The following ZNF444 variants were observed in gnomAD, a reference collection of about 807,000 sequenced individuals.
ZNF444 encodes endothelial zinc finger protein 2.
In ZNF444, 8 loss-of-function variants were observed where a neutral mutation model predicts 14.4. The ratio of observed to expected loss-of-function variants is 0.56; its 90% confidence interval spans 0.33 to 1.00. The LOEUF (loss-of-function observed/expected upper bound fraction) is 1.00, where lower values mean the gene tolerates loss of function less well. ZNF444 is among the 50% of genes least tolerant of loss of function. ZNF444 has a pLI of 0.03. For missense variants in ZNF444, 510 were observed against 504.8 expected, an observed-to-expected ratio of 1.01 and a Z score of -0.10; for synonymous variants, 258 against 235.9, an observed-to-expected ratio of 1.09 and a Z score of -0.86.
At chr19:56,138,567 A>T (rs2030664114), upstream of ZNF444, among the ~76,000 whole-genome samples, 1 of 152,298 alleles carries the variant, frequency 6.6e-6, no homozygotes, top group South Asian at 2.1e-4. Flanking sequence ...TGGGAAGCAG[A>T]AGTCACAGTG....
At chr19:56,133,984 G>C (rs1414124652) in intron 1 of ZNF444, among the ~76,000 whole-genome samples, 2 of 151,856 alleles carry the variant, frequency 1.3e-5, no homozygotes, top group African/African-American at 4.8e-5. Flanking sequence ...AGATGACTCA[G>C]GTTCAGATCC....
At chr19:56,148,448 G>A (rs2031346488) in intron 3 of ZNF444, among the ~76,000 whole-genome samples, 1 of 152,138 alleles carries the variant, frequency 6.6e-6, no homozygotes, top group Non-Finnish European at 1.5e-5. Context: ...GGGGCATCTC[G>A]GTGAGGCAAA....
At chr19:56,134,813 TAAA>T (rs144406728) in intron 1 of ZNF444, among the ~76,000 whole-genome samples, 1 of 143,468 alleles carries the variant, frequency 7.0e-6, no homozygotes, top group Admixed American at 7.0e-5. Flanking sequence ...GCCCTGTGTT[TAAA>T]AAAAAAAAAA....
chr19:56,134,040 C>CGCCAT (rs1568543954), intron 1 of ZNF444, among the ~76,000 whole-genome samples: 1 of 151,950 alleles, frequency 6.6e-6, no homozygotes, highest in East Asian at 1.9e-4. Context: ...GACATCCATA[C>CGCCAT]GCCATCCCCC....
upstream of ZNF444, among the ~76,000 whole-genome samples, chr19:56,137,081 C>A (rs186561192): frequency 1.5e-3 from 226 of 151,760 alleles, no homozygotes; most frequent in African/African-American, 5.1e-3. Flanking sequence ...CTGTGCCCAG[C>A]CGAGAATCTG....
In ZNF444 at chr19:56,146,999, G is replaced by A. The variant is rs1285240377; in HGVS notation, c.88G>A (p.Asp30Asn). 2.8e-6 allele frequency: 4 copies of A among 1,444,514 alleles called. No homozygotes were observed. Among genetic ancestry groups the A allele is most frequent in the East Asian group, 5.5e-5 (2 of 36,122 alleles). 89.5% of individuals were successfully genotyped at this position (1,444,514 alleles called of 1,614,324 possible). Residue 30 changes from aspartate (D) to asparagine (N), a missense_variant, in exon 3 of 5, where the codon GAC becomes AAC. By Grantham distance (23) the Asp-to-Asn change is conservative (BLOSUM62 1). Transcript: ENST00000337080. ...CCGCTTCCGCCGCTTCCACCTGGGC[G>A]ACGCGCCGGGCCCGCGGGAGGCGCT... ...WHRFRRFHLGDAPGPREALGL... is the reference protein window; with the variant it reads ...WHRFRRFHLGNAPGPREALGL...
chr19:56,155,159 G>C (rs1305710090), intron 3 of ZNF444: 1 of 152,288 alleles, frequency 6.6e-6, no homozygotes, highest in Non-Finnish European at 1.5e-5. Context: ...TTATTACAGA[G>C]AAAGGACACA....
At chr19:56,132,900 CCTT>C (rs1174806123) in intron 1 of ZNF444, 4 of 149,548 alleles carry the variant, frequency 2.7e-5, no homozygotes, top group Non-Finnish European at 4.4e-5. Context: ...CTCAGAATGC[CCTT>C]CTTTTTTTTC....
rs1051719172 is a variant in ZNF444, at chr19:56,147,687, C to G, written c.297+479C>G. On this transcript the variant is annotated intron_variant, in intron 3 of 4. Transcript: ENST00000337080. The surrounding 1 kb of genome is among the most constrained non-coding windows in gnomAD (Gnocchi z 5.9). ...CCTCAGCCTCCCGCCCCCTGAAAGT[C>G]AAGGATACCCCCTGGTCCAAACTCT... Among the ~76,000 whole-genome samples, 1 of 152,130 alleles carries G rather than the reference C, an allele frequency of 6.6e-6. No homozygotes were observed.
intron 1 of ZNF444, among the ~76,000 whole-genome samples, chr19:56,143,029 G>A (rs2030931207): frequency 6.6e-6 from 1 of 152,220 alleles, no homozygotes; most frequent in Admixed American, 6.5e-5. Flanking sequence ...CCACTCAGTG[G>A]CTGTCTTCAA....
intron 3 of ZNF444, among the ~76,000 whole-genome samples, chr19:56,153,362 C>T (rs571889077): frequency 6.6e-6 from 1 of 152,218 alleles, no homozygotes; most frequent in Non-Finnish European, 1.5e-5. Context: ...GTCTTTTGTT[C>T]AGTGATGTGT....
intron 3 of ZNF444, among the ~76,000 whole-genome samples, chr19:56,154,088 C>T (rs919230590): frequency 6.6e-5 from 10 of 152,264 alleles, no homozygotes; most frequent in Admixed American, 3.3e-4. Flanking sequence ...CCGTGTTCAA[C>T]GTACACAATG....
chr19:56,137,548 G>C (rs2631626), upstream of ZNF444, among the ~76,000 whole-genome samples: 17,916 of 152,162 alleles, frequency 0.12, 1,526 homozygotes, highest in African/African-American at 0.24. Context: ...GTGTTGGATC[G>C]AGAGCCTGTG....
At chr19:56,148,523 C>T (rs1017853016) in intron 3 of ZNF444, among the ~76,000 whole-genome samples, 2 of 152,108 alleles carry the variant, frequency 1.3e-5, no homozygotes, top group Non-Finnish European at 2.9e-5. Flanking sequence ...GAGCAGCTCC[C>T]GTCAAGGCTG....
upstream of ZNF444, among the ~76,000 whole-genome samples, chr19:56,139,311 G>A (rs933166060): frequency 1.3e-5 from 2 of 152,222 alleles, no homozygotes; most frequent in East Asian, 1.9e-4. Flanking sequence ...GCCATAGACG[G>A]GAGAGCTGTG....
chr19:56,158,639 C>A (rs754251410), intron 4 of ZNF444, 37 bp downstream of exon 4: 1 of 1,536,386 alleles, frequency 6.5e-7, no homozygotes, highest in Non-Finnish European at 8.9e-7. Flanking sequence ...CCCGCCAGCC[C>A]CCAGCACCGG....
Position 56,160,550 on chromosome 19 carries a change from T to G in ZNF444, c.*349T>G. On this transcript the variant is annotated 3_prime_UTR_variant, in exon 5 of 5. Transcript: ENST00000337080. ...TCCTCCATTCCTCTCTCCCTGCCCTTTTCCTGCCTGAAGAGCAGAGGTGAG... is the reference window on the plus strand; with the variant it reads ...TCCTCCATTCCTCTCTCCCTGCCCTGTTCCTGCCTGAAGAGCAGAGGTGAG... 1 of 257,348 alleles carries G rather than the reference T, an allele frequency of 3.9e-6. No homozygotes were observed. Among genetic ancestry groups the G allele is most frequent in the Non-Finnish European group, 7.4e-6 (1 of 135,834 alleles). 15.9% of individuals were successfully genotyped at this position (257,348 alleles called of 1,614,324 possible). A position where few individuals can be genotyped will look rare whatever the true frequency, so the allele number is the denominator to read the frequency against.
At chr19:56,133,400 C>T (rs2030535128) in intron 1 of ZNF444, among the ~76,000 whole-genome samples, 1 of 152,096 alleles carries the variant, frequency 6.6e-6, no homozygotes, top group Non-Finnish European at 1.5e-5. Context: ...CCTCAGTTTC[C>T]TCATCTGTGA....
intron 1 of ZNF444, among the ~76,000 whole-genome samples, chr19:56,133,579 G>A (rs541558372): frequency 1.9e-4 from 28 of 151,318 alleles, no homozygotes; most frequent in Middle Eastern, 3.4e-3. Context: ...TCGGGAGGCC[G>A]AGATGGGTGG....
Sources: allele counts gnomAD v4.1 joint callset (sites outside exome capture counted in the v4.1 genomes callset), GRCh38; gene constraint gnomAD v4.1.1; non-coding constraint Gnocchi (gnomAD v3.1); transcripts MANE v1.5; gene names NCBI Gene and HGNC (gene_info 2026-07-23, HGNC 2026-07-21).